Variants in ZNF780A observed in about 807,000 individuals in gnomAD.
ZNF780A encodes zinc finger protein 780A.
In ZNF780A, 40 loss-of-function variants were observed where a neutral mutation model predicts 56.7. The ratio of observed to expected loss-of-function variants is 0.71; its 90% CI spans 0.55 to 0.92. ZNF780A has a LOEUF of 0.92. Among genes scored for constraint, ZNF780A ranks in the 40% least tolerant of loss-of-function variants. The pLI, the probability that ZNF780A is intolerant of heterozygous loss-of-function variation, is 0.00. For synonymous variants in ZNF780A, 231 were observed against 248.3 expected (o/e 0.93, Z 0.66); for missense variants, 672 against 783.3 (o/e 0.86, Z 1.70).
rs543905295 is a variant in ZNF780A, at chr19:40,085,954, G to GTA, written c.-45-1158_-45-1157dup. Among the ~76,000 whole-genome samples the GTA allele has an allele frequency of 1.5e-4, 22 of 150,126 alleles. No homozygotes were observed. The South Asian group carries it at 3.4e-3, about 23-fold the overall frequency. ...TATTCACACACACACACACGTGTGT[G>GTA]TATATATATATGTGTGTGTGTATAT... is the stretch of plus-strand genomic sequence containing the variant. On this transcript the variant is annotated intron_variant, in intron 2 of 5. Transcript: ENST00000683561.
intron 4 of ZNF780A, 58 bp downstream of exon 4, chr19:40,083,053 A>G: frequency 6.2e-7 from 1 of 1,613,516 alleles, no homozygotes; most frequent in Non-Finnish European, 8.5e-7. Flanking sequence ...ATTCACGGTG[A>G]AGAAAGCTGA....
At chr19:40,069,508 G>T (rs1041712202), downstream of ZNF780A, 7 of 152,138 alleles carry the variant, frequency 4.6e-5, no homozygotes, top group African/African-American at 1.4e-4. Context: ...GATTTGGAGG[G>T]ACAAATATCC....
At chr19:40,087,626 A>ACATT (rs1315925910) in intron 2 of ZNF780A, among the ~76,000 whole-genome samples, 1 of 151,888 alleles carries the variant, frequency 6.6e-6, no homozygotes, top group Non-Finnish European at 1.5e-5. Context: ...TTTCTGTCCT[A>ACATT]CATTCCTTAC....
At chr19:40,076,359 T>G (rs943617838) in intron 5 of ZNF780A, 150 bp from the exon 6 acceptor site, 4 of 755,222 alleles carry the variant, frequency 5.3e-6, no homozygotes, top group Non-Finnish European at 8.0e-6. Flanking sequence ...AGATAGAACC[T>G]TTCTCATATC....
At position 40,076,190 on chromosome 19, in the gene ZNF780A, T is replaced by C; in HGVS notation, c.252A>G (p.Gly84=). 1 of 1,559,364 alleles carries C rather than the reference T, an allele frequency of 6.4e-7. No homozygotes were observed. The highest frequency in any genetic ancestry group is 2.2e-5 in the East Asian group (1 of 44,524). ...CATTTTCTGGAGATACTTTCTCAGG[T>C]CCATATTTTAACTCCAAATCTGAAA... ...RRYPDLELKY[G]PEKVSPENDT... is the part of the protein sequence containing the mutation. Residue 84 remains glycine (G), a synonymous_variant, in exon 6 of 6, where the codon GGA becomes GGG. Coordinates refer to ENST00000683561, the MANE Select transcript of ZNF780A (RefSeq NM_001142578.2).
intron 4 of ZNF780A, 51 bp downstream of exon 4, chr19:40,083,060 C>A (rs1175831296): frequency 6.2e-7 from 1 of 1,613,586 alleles, no homozygotes. Context: ...GTGAAGAAAG[C>A]TGATATTCCA....
In ZNF780A at chr19:40,085,252, A is replaced by G. The variant is rs914333794; in HGVS notation, c.-45-454T>C. 6.1e-6 allele frequency: 6 copies of G among 985,354 alleles called. No individual in the cohort carries two copies. The African/African-American group carries it at 7.0e-5, about 11-fold the overall frequency. 61.0% of individuals were successfully genotyped at this position (985,354 alleles called of 1,614,324 possible). On this transcript the variant is annotated intron_variant, in intron 2 of 5. Transcript: ENST00000683561. ...ATTGGGTGCAGTGGGGGAAGGCATG[A>G]GAACTGGAAAGCATATTTGCACTGG...
chr19:40,083,684 A>G (rs1206865200), intron 3 of ZNF780A, among the ~76,000 whole-genome samples: 1 of 151,784 alleles, frequency 6.6e-6, no homozygotes, highest in African/African-American at 2.4e-5. Context: ...AAAAAAAAAA[A>G]AAAAGGTGGC....
intron 5 of ZNF780A, among the ~76,000 whole-genome samples, chr19:40,080,557 A>C (rs1009448683): frequency 6.6e-6 from 1 of 152,234 alleles, no homozygotes; most frequent in African/African-American, 2.4e-5. Context: ...CATTATCCTA[A>C]GCAAATTAAT....
chr19:40,089,998 G>T (rs1250575440), intron 2 of ZNF780A, among the ~76,000 whole-genome samples, 168 bp downstream of exon 2: 1 of 152,142 alleles, frequency 6.6e-6, no homozygotes, highest in Non-Finnish European at 1.5e-5. Context: ...CGCACAGGAA[G>T]GTGTGAACGA....
chr19:40,087,348 A>G (rs1272877594), intron 2 of ZNF780A, among the ~76,000 whole-genome samples: 2 of 152,120 alleles, frequency 1.3e-5, no homozygotes, highest in African/African-American at 2.4e-5. Context: ...CCTGACCTCT[A>G]TCCATTAGAT....
In ZNF780A at chr19:40,073,623, T is replaced by C. The variant is rs910423557; in HGVS notation, c.*893A>G. On this transcript the variant is annotated 3_prime_UTR_variant, in exon 6 of 6. Transcript: ENST00000683561. ...AAAGACTTTCTCACAAGAATTATCTTCTCCGAACTCTAAGGTATTTAGTGT... is the reference window on the plus strand; with the variant it reads ...AAAGACTTTCTCACAAGAATTATCTCCTCCGAACTCTAAGGTATTTAGTGT... 1.0e-6 allele frequency: 1 copy of C among 985,770 alleles called. No homozygotes were observed. Among genetic ancestry groups the C allele is most frequent in the Non-Finnish European group, 1.2e-6 (1 of 830,356 alleles). The allele number at this position is 985,770 out of a possible 1,614,324, so 61.1% of individuals were successfully genotyped here. A position where few individuals can be genotyped will look rare whatever the true frequency, so the allele number is the denominator to read the frequency against.
chr19:40,090,858 G>A (rs777262460), intron 1 of ZNF780A, 48 bp downstream of exon 1: 1 of 152,376 alleles, frequency 6.6e-6, no homozygotes, highest in African/African-American at 2.4e-5. Context: ...CCAATCCGCA[G>A]AGATCTCCCG....
chr19:40,089,437 A>G, intron 2 of ZNF780A: 1 of 582,358 alleles, frequency 1.7e-6, no homozygotes, highest in Non-Finnish European at 2.7e-6. Flanking sequence ...AAGGGGAATG[A>G]CTTAAAATGA....
intron 4 of ZNF780A, 153 bp from the exon 5 acceptor site, chr19:40,082,067 CTT>C (rs1261176018): frequency 2.0e-6 from 1 of 506,760 alleles, no homozygotes; most frequent in East Asian, 3.8e-5. Flanking sequence ...TAAGAGAACT[CTT>C]TTCTAACTAT....
chr19:40,070,822 T>G (rs337780), downstream of ZNF780A: 2 of 152,012 alleles, frequency 1.3e-5, no homozygotes, highest in African/African-American at 4.8e-5. Context: ...TGGGATCTCT[T>G]TTTTATGACA....
chr19:40,073,357 C>T lies in ZNF780A; in HGVS notation c.*1159G>A, dbSNP rs1973906543. On this transcript the variant is annotated 3_prime_UTR_variant, in exon 6 of 6. Transcript: ENST00000683561. The stretch of plus-strand genomic sequence containing the variant: ...ATTGATCACCATGATAGATATATAA[C>T]AATGAAATAGTTTGAAATATTCTGA... 1 of 261,340 alleles carries T rather than the reference C, an allele frequency of 3.8e-6. No individual in the cohort carries two copies. Among genetic ancestry groups the T allele is most frequent in the African/African-American group, 2.3e-5 (1 of 43,296 alleles). The allele number at this position is 261,340 out of a possible 1,614,324, so 16.2% of individuals were successfully genotyped here.
In ZNF780A at chr19:40,080,231, G is replaced by C. The variant is rs527457466; in HGVS notation, c.232+1588C>G. Reference sequence around the variant, plus strand: ...GAATTCTATCTACCAAACTCTCAAAGAACTAATTCTCCTCAAACTATTCCA... The same window carrying C: ...GAATTCTATCTACCAAACTCTCAAACAACTAATTCTCCTCAAACTATTCCA... On this transcript the variant is annotated intron_variant, in intron 5 of 5. Transcript: ENST00000683561. Among the ~76,000 whole-genome samples, 622 of 152,214 alleles carry C rather than the reference G, an allele frequency of 4.1e-3. 1 individual carries two copies. The highest frequency in any genetic ancestry group is 6.6e-3 in the Non-Finnish European group (446 of 68,010).
At position 40,075,375 on chromosome 19, in the gene ZNF780A, G is replaced by C. The variant is rs759799391; in HGVS notation, c.1067C>G (p.Thr356Ser). The C allele has an allele frequency of 7.4e-6, 12 of 1,614,028 alleles. No individual in the cohort carries two copies. The African/African-American group carries it at 1.3e-4, about 18-fold the overall frequency. ...TKLVRHQKIH[T>S]GEKPFECREC... ...CCTGCATTCAAAGGGTTTCTCACCAGTATGAATCTTCTGATGTCGAACAAG... is the reference window on the plus strand; with the variant it reads ...CCTGCATTCAAAGGGTTTCTCACCACTATGAATCTTCTGATGTCGAACAAG... Residue 356 changes from threonine to serine, a missense_variant, in exon 6 of 6, where the codon ACT (threonine) becomes AGT (serine). Transcript: ENST00000683561.
Sources: gnomAD v4.1 joint callset for allele counts (sites outside exome capture counted in the v4.1 genomes callset) on GRCh38, gnomAD v4.1.1 for gene constraint, MANE v1.5 for transcripts, NCBI Gene and HGNC (gene_info 2026-07-23, HGNC 2026-07-21) for gene names.